The following CIB2 variants were observed in gnomAD, a reference collection of about 807,000 sequenced individuals.
CIB2 encodes the protein calcium and integrin binding family member 2.
In CIB2, 19 loss-of-function variants were observed where a neutral mutation model predicts 23.1. The ratio of observed to expected loss-of-function variants is 0.82; its 90% CI spans 0.57 to 1.21. The LOEUF is 1.21. Among genes scored for constraint, CIB2 ranks in the 50% most tolerant of loss-of-function variants. The probability of loss-of-function intolerance (pLI) is 0.00; values close to 1 mark genes in which losing one functional copy is unlikely to be tolerated. For synonymous variants in CIB2, 94 were observed against 91.7 expected, an observed-to-expected ratio of 1.03 and a Z score of -0.14; for missense variants, 220 against 241.5, an observed-to-expected ratio of 0.91 and a Z score of 0.59.
chr15:78,127,777 G>C (rs1481543484), intron 1 of CIB2, among the ~76,000 whole-genome samples: 3 of 152,152 alleles, frequency 2.0e-5, no homozygotes, highest in Non-Finnish European at 2.9e-5. Flanking sequence ...CTGCCCAGGG[G>C]ACCATCACAC....
chr15:78,118,296 T>C (rs1443757430), intron 2 of CIB2, among the ~76,000 whole-genome samples: 1 of 152,112 alleles, frequency 6.6e-6, no homozygotes, highest in Non-Finnish European at 1.5e-5. Context: ...TTTTTAACTT[T>C]AAAAATTGTG....
Position 78,105,301 on chromosome 15 carries a change from G to C in CIB2, c.*10C>G, listed in dbSNP as rs781026594. 2 of 1,613,958 alleles carry C rather than the reference G, an allele frequency of 1.2e-6. No homozygotes were observed. Among genetic ancestry groups the C allele is most frequent in the Admixed American group, 3.3e-5 (2 of 60,004 alleles). The stretch of plus-strand genomic sequence containing the variant: ...TGGACTTCTAGGCCCCTACAGCCTC[G>C]GCAGTGTCCTCAGATCCGGATGTGG... On this transcript the variant is annotated 3_prime_UTR_variant, in exon 6 of 6. Transcript: ENST00000258930.
chr15:78,121,755 C>T (rs1318634462), intron 2 of CIB2, among the ~76,000 whole-genome samples: 1 of 152,120 alleles, frequency 6.6e-6, no homozygotes, highest in Non-Finnish European at 1.5e-5. Flanking sequence ...TCAATTAAAC[C>T]TCTTTCCTTT....
chr15:78,109,484 A>C, intron 3 of CIB2, 102 bp from the exon 4 acceptor site: 4 of 1,312,162 alleles, frequency 3.0e-6, no homozygotes, highest in African/African-American at 1.4e-5. Context: ...GAGTGACCAA[A>C]TCCCTCTGAG....
At chr15:78,113,456 C>CT (rs76147854) in intron 2 of CIB2, among the ~76,000 whole-genome samples, 151 of 146,630 alleles carry the variant, frequency 1.0e-3, no homozygotes, top group South Asian at 5.6e-3. Flanking sequence ...AGGAAAACTA[C>CT]TTTTTTTTTT....
intron 2 of CIB2, among the ~76,000 whole-genome samples, chr15:78,113,151 T>C (rs1667338435): frequency 6.6e-6 from 1 of 152,064 alleles, no homozygotes; most frequent in Admixed American, 6.6e-5. Context: ...ACCAACCACT[T>C]GGCTCCTCCC....
At chr15:78,109,146 A>G in intron 4 of CIB2, 89 bp downstream of exon 4, 1 of 1,447,862 alleles carries the variant, frequency 6.9e-7, no homozygotes, top group South Asian at 1.3e-5. Flanking sequence ...TGGTGTCCCT[A>G]GGGCAGGAGC....
chr15:78,113,984 G>A (rs2074200101), intron 2 of CIB2, among the ~76,000 whole-genome samples: 1 of 152,226 alleles, frequency 6.6e-6, no homozygotes, highest in Non-Finnish European at 1.5e-5. Context: ...GCAGGAGCAT[G>A]AAGTCAGGCT....
intron 1 of CIB2, among the ~76,000 whole-genome samples, chr15:78,124,003 A>G (rs1350046581): frequency 6.6e-6 from 1 of 151,622 alleles, no homozygotes; most frequent in Non-Finnish European, 1.5e-5. Flanking sequence ...GCTTTAGGGT[A>G]CACATGTAGG....
chr15:78,109,521 GAAT>G (rs2074124076), intron 3 of CIB2, 139 bp from the exon 4 acceptor site: 2 of 892,152 alleles, frequency 2.2e-6, no homozygotes, highest in East Asian at 5.0e-5. Context: ...TGTAAAAAGG[GAAT>G]AATAATAACA....
intron 2 of CIB2, among the ~76,000 whole-genome samples, chr15:78,121,165 C>T (rs992745267): frequency 6.6e-6 from 1 of 152,124 alleles, no homozygotes; most frequent in African/African-American, 2.4e-5. Flanking sequence ...TGAGGGTGGA[C>T]AGGTGGGCAG....
At chr15:78,123,554 C>T (rs908378075) in intron 2 of CIB2, 151 bp downstream of exon 2, 1 of 770,568 alleles carries the variant, frequency 1.3e-6, no homozygotes, top group African/African-American at 1.7e-5. Context: ...CCATCCTAGC[C>T]CAGTGGCCGA....
At chr15:78,124,519 C>T (rs1301999480) in intron 1 of CIB2, among the ~76,000 whole-genome samples, 1 of 152,076 alleles carries the variant, frequency 6.6e-6, no homozygotes, top group Non-Finnish European at 1.5e-5. Flanking sequence ...GCTTGGCCTG[C>T]CCAAGGTGAG....
In CIB2 at chr15:78,124,354, G is replaced by A. The variant is rs191167783; in HGVS notation, c.52-615C>T. ...AAACGTGGGCAGGGGGAACCAGGTA[G>A]CATCTGGGGTAGAGGTGAGGGTAGG... On this transcript the variant is annotated intron_variant, in intron 1 of 5. Coordinates refer to ENST00000258930, the MANE Select transcript of CIB2 (RefSeq NM_006383.4). Among the ~76,000 whole-genome samples, 585 of 151,992 alleles carry A rather than the reference G, an allele frequency of 3.8e-3. 3 individuals are homozygous for A. Among genetic ancestry groups the A allele is most frequent in the African/African-American group, 0.011 (445 of 41,432 alleles).
chr15:78,129,898 T>G (rs1213331386), intron 1 of CIB2, among the ~76,000 whole-genome samples: 1 of 152,192 alleles, frequency 6.6e-6, no homozygotes, highest in East Asian at 1.9e-4. Flanking sequence ...GTAGAGGGCA[T>G]CAATTACTGT....
intron 1 of CIB2, among the ~76,000 whole-genome samples, chr15:78,130,608 A>G (rs1271269617): frequency 1.3e-5 from 2 of 152,144 alleles, no homozygotes. Context: ...GAAGGCTGCT[A>G]CCGGGCTTGC....
At chr15:78,108,821 C>G (rs1435908507) in intron 4 of CIB2, among the ~76,000 whole-genome samples, 1 of 152,228 alleles carries the variant, frequency 6.6e-6, no homozygotes, top group Non-Finnish European at 1.5e-5. Flanking sequence ...TCTCCAGACT[C>G]ATACCGCCCC....
At chr15:78,105,989 C>A in intron 4 of CIB2, 55 bp from the exon 5 acceptor site, 1 of 1,451,438 alleles carries the variant, frequency 6.9e-7, no homozygotes, top group Non-Finnish European at 9.6e-7. Context: ...CCCAGGGACC[C>A]CTACACTATA....
intron 1 of CIB2, among the ~76,000 whole-genome samples, chr15:78,125,511 C>A (rs1218335729): frequency 6.6e-6 from 1 of 152,162 alleles, no homozygotes; most frequent in Non-Finnish European, 1.5e-5. Context: ...ACAAAAGATG[C>A]AAACACTTCC....
Sources: gnomAD v4.1 joint callset for allele counts (sites outside exome capture counted in the v4.1 genomes callset) on GRCh38, gnomAD v4.1.1 for gene constraint, MANE v1.5 for transcripts, NCBI Gene and HGNC (gene_info 2026-07-23, HGNC 2026-07-21) for gene names.